ZFP82: variants seen among roughly 807,000 people sequenced by gnomAD.
ZFP82 encodes the protein ZFP82 zinc finger protein.
A neutral mutation model predicts 54.0 loss-of-function variants in ZFP82; 30 were observed. The ratio of observed to expected loss-of-function variants is 0.56; its 90% CI spans 0.42 to 0.75. ZFP82 has a LOEUF of 0.75. ZFP82 is among the 30% of genes least tolerant of loss of function. The probability of loss-of-function intolerance (pLI) is 0.00; values close to 1 mark genes in which losing one functional copy is unlikely to be tolerated. For synonymous variants in ZFP82, 194 were observed against 209.5 expected (o/e 0.93, Z 0.64); for missense variants, 500 against 636.8 (o/e 0.79, Z 2.31).
At chr19:36,402,330 A>G (rs911786071) in intron 4 of ZFP82, among the ~76,000 whole-genome samples, 11 of 152,120 alleles carry the variant, frequency 7.2e-5, no homozygotes, top group African/African-American at 2.4e-4. Context: ...TTAGCCAGGC[A>G]TGGTGGCGGG....
At chr19:36,414,182 T>G (rs112052003) in intron 1 of ZFP82, among the ~76,000 whole-genome samples, 3,395 of 151,686 alleles carry the variant, frequency 0.022, 109 homozygotes, top group African/African-American at 0.07. Context: ...TTACAGGCGT[T>G]AGCCACCACA....
exon 2 of ZFP82, chr19:36,383,614 AAAAC>A (rs533344518): frequency 1.3e-5 from 2 of 151,434 alleles, no homozygotes; most frequent in African/African-American, 4.8e-5. Flanking sequence ...TATTTAGAAA[AAAAC>A]AAAATTATAT....
At chr19:36,396,527 G>A (rs374923620) in intron 4 of ZFP82, among the ~76,000 whole-genome samples, 1 of 152,040 alleles carries the variant, frequency 6.6e-6, no homozygotes, top group Non-Finnish European at 1.5e-5. Flanking sequence ...GGGGTGTCAG[G>A]CACCTGTAGT....
chr19:36,408,127 G>T, intron 2 of ZFP82, 114 bp from the exon 3 acceptor site: 1 of 1,234,902 alleles, frequency 8.1e-7, no homozygotes, highest in Non-Finnish European at 1.1e-6. Flanking sequence ...AAGAAAACAG[G>T]CTTGGGCTGG....
chr19:36,383,579 A>G lies in ZFP82; in HGVS notation c.*753T>C, dbSNP rs1240758037. The G allele has an allele frequency of 2.1e-5, 3 of 142,844 alleles. No individual in the cohort carries two copies. In the Admixed American group the frequency reaches 2.2e-4, roughly 11 times the overall value. 8.8% of individuals were successfully genotyped at this position (142,844 alleles called of 1,614,324 possible). ...TTGTTTTGGAGACTCTATTACAATA[A>G]CAATAATTTAAAAAATAATCACTAT... On this transcript the variant is annotated 3_prime_UTR_variant, in exon 2 of 2. Coordinates refer to the ZFP82 transcript ENST00000445543.
downstream of ZFP82, among the ~76,000 whole-genome samples, chr19:36,388,470 G>T (rs1456068783): frequency 1.3e-5 from 2 of 150,014 alleles, no homozygotes; most frequent in Non-Finnish European, 3.0e-5. Flanking sequence ...TTAGTTCAGG[G>T]TTTTTTTTTG....
chr19:36,410,557 C>A (rs182840717), intron 1 of ZFP82, among the ~76,000 whole-genome samples: 1 of 151,722 alleles, frequency 6.6e-6, no homozygotes, highest in Non-Finnish European at 1.5e-5. Flanking sequence ...GGTTGGAGTG[C>A]GGTGGCACGA....
chr19:36,410,757 T>C (rs979909622), intron 1 of ZFP82, among the ~76,000 whole-genome samples: 2 of 151,628 alleles, frequency 1.3e-5, no homozygotes, highest in African/African-American at 2.4e-5. Context: ...CGCCTCGGCA[T>C]CCCAAAGTGC....
chr19:36,407,356 G>A (rs1277496137), intron 3 of ZFP82, among the ~76,000 whole-genome samples: 8 of 152,244 alleles, frequency 5.3e-5, no homozygotes, highest in African/African-American at 1.2e-4. Context: ...GATTACAGGC[G>A]TGAGCCACCG....
chr19:36,388,887 C>T lies in ZFP82; in HGVS notation c.*3854G>A, dbSNP rs971205330. Among the ~76,000 whole-genome samples the T allele has an allele frequency of 1.3e-5, 2 of 152,118 alleles. No individual in the cohort carries two copies. The highest frequency in any genetic ancestry group is 4.8e-5 in the African/African-American group (2 of 41,416). ...GGTGTGTGAACAGAATGGTGAACAA[C>T]ACAAATACTTATTTCTCAATCCAGA... is the stretch of plus-strand genomic sequence containing the variant. On this transcript the variant is annotated 3_prime_UTR_variant, in exon 5 of 5. Transcript: ENST00000392161.
downstream of ZFP82, among the ~76,000 whole-genome samples, chr19:36,385,784 G>A (rs1021981023): frequency 4.6e-5 from 7 of 152,280 alleles, no homozygotes; most frequent in African/African-American, 1.2e-4. Context: ...TCCATGCCTT[G>A]GGCTTTATTG....
At chr19:36,398,848 A>G in intron 4 of ZFP82, among the ~76,000 whole-genome samples, 1 of 152,142 alleles carries the variant, frequency 6.6e-6, no homozygotes, top group South Asian at 2.1e-4. Flanking sequence ...CTGTAATGAT[A>G]CTTCCCTAAA....
At chr19:36,384,511 TAAATA>T (rs1397504414), downstream of ZFP82, 1 of 152,210 alleles carries the variant, frequency 6.6e-6, no homozygotes, top group Non-Finnish European at 1.5e-5. Context: ...TACACTGAGT[TAAATA>T]AAATAAAACT....
downstream of ZFP82, among the ~76,000 whole-genome samples, chr19:36,387,574 C>G (rs536185276): frequency 9.2e-5 from 14 of 152,290 alleles, no homozygotes; most frequent in African/African-American, 3.1e-4. Context: ...CCCTTCAGAA[C>G]TGCGAGCCAA....
At chr19:36,384,924 A>C (rs1266156301), downstream of ZFP82, among the ~76,000 whole-genome samples, 3 of 152,226 alleles carry the variant, frequency 2.0e-5, no homozygotes, top group African/African-American at 7.2e-5. Context: ...TGGAGGTACA[A>C]ATCTTAATCT....
intron 1 of ZFP82, among the ~76,000 whole-genome samples, chr19:36,413,724 G>A (rs530925693): frequency 1.2e-4 from 18 of 152,190 alleles, no homozygotes; most frequent in African/African-American, 4.3e-4. Context: ...TTAATTTTCA[G>A]TGTCTCAGTT....
chr19:36,404,057 G>A (rs1337607474), intron 4 of ZFP82, among the ~76,000 whole-genome samples: 1 of 152,066 alleles, frequency 6.6e-6, no homozygotes, highest in African/African-American at 2.4e-5. Flanking sequence ...TTTATTTATA[G>A]TTATTATGTT....
rs1179411867 is a variant in ZFP82 at position 36,393,341 on chromosome 19, A to G, written c.999T>C (p.Thr333=). The change falls in exon 5 of 5, where the codon ACT becomes ACC. Residue 333 remains threonine, a synonymous_variant. Transcript: ENST00000392161. ...SGLRVHHKLH[T]GEKPYECKEC... ...CCTTACATTCATAGGGTTTCTCACC[A>G]GTATGAAGTTTGTGATGTACTCTAA... 6.2e-7 allele frequency: 1 copy of G among 1,614,128 alleles called. No homozygotes were observed. The highest frequency in any genetic ancestry group is 2.2e-5 in the East Asian group (1 of 44,878).
chr19:36,389,685 A>T lies in ZFP82; in HGVS notation c.*3056T>A, dbSNP rs2032162354. ...ATGTTTACATTTGTACAATATGTAG[A>T]GACATTTTATTCCTTCAAATCTTGT... On this transcript the variant is annotated 3_prime_UTR_variant, in exon 5 of 5. Coordinates refer to ENST00000392161, the MANE Select transcript of ZFP82 (RefSeq NM_133466.4). Among the ~76,000 whole-genome samples the T allele has an allele frequency of 2.0e-5, 3 of 152,222 alleles. No homozygotes were observed. The highest frequency in any genetic ancestry group is 7.2e-5 in the African/African-American group (3 of 41,460).
Sources: gnomAD v4.1 joint callset for allele counts (sites outside exome capture counted in the v4.1 genomes callset) on GRCh38, gnomAD v4.1.1 for gene constraint, MANE v1.5 for transcripts, NCBI Gene and HGNC (gene_info 2026-07-23, HGNC 2026-07-21) for gene names.